The following TUSC3 variants were observed in gnomAD, a reference collection of about 807,000 sequenced individuals.
TUSC3 encodes the protein tumor suppressor candidate 3, also known as dolichyl-diphosphooligosaccharide--protein glycosyltransferase subunit TUSC3.
Under a neutral mutation model 44.8 loss-of-function variants are expected in TUSC3, and 45 were observed. The ratio of observed to expected loss-of-function variants is 1.00; its 90% CI spans 0.79 to 1.29. The LOEUF (loss-of-function observed/expected upper bound fraction) is 1.29. Among genes scored for constraint, TUSC3 ranks in the 50% most tolerant of loss-of-function variants. The pLI is 0.00. For missense variants in TUSC3, 519 were observed against 437.9 expected, an observed-to-expected ratio of 1.19 and a Z score of -1.65; for synonymous variants, 212 against 152.9, an observed-to-expected ratio of 1.39 and a Z score of -2.85.
intron 5 of TUSC3, among the ~76,000 whole-genome samples, chr8:15,670,426 G>A (rs1335792787): frequency 6.6e-6 from 1 of 151,830 alleles, no homozygotes; most frequent in Non-Finnish European, 1.5e-5. Context: ...TAACGAAAGT[G>A]GCCTTGCAGT....
intron 1 of TUSC3, among the ~76,000 whole-genome samples, chr8:15,601,752 G>T (rs1225778573): frequency 6.6e-6 from 1 of 151,468 alleles, no homozygotes; most frequent in Non-Finnish European, 1.5e-5. Context: ...TAGTAACAAT[G>T]GTTCTAATGT....
chr8:15,641,413 A>C (rs1181732990), intron 2 of TUSC3, among the ~76,000 whole-genome samples: 1 of 151,828 alleles, frequency 6.6e-6, no homozygotes, highest in African/African-American at 2.4e-5. Flanking sequence ...AAGGAATTTC[A>C]CAGAAATCCT....
chr8:15,827,772 G>A, the TUSC3 span, among the ~76,000 whole-genome samples: 1 of 152,020 alleles, frequency 6.6e-6, no homozygotes, highest in Non-Finnish European at 1.5e-5. Context: ...TAACTGATTT[G>A]GATAATTTAG....
intron 1 of TUSC3, among the ~76,000 whole-genome samples, chr8:15,588,341 G>T (rs1394961331): frequency 6.6e-6 from 1 of 151,952 alleles, no homozygotes; most frequent in Non-Finnish European, 1.5e-5. Context: ...GATACTTGTT[G>T]GCCATTTGTG....
chr8:15,652,484 T>C (rs116490083), intron 3 of TUSC3, among the ~76,000 whole-genome samples: 3,013 of 152,278 alleles, frequency 0.02, 97 homozygotes, highest in African/African-American at 0.069. Flanking sequence ...TTTGCTCCTA[T>C]GGTACCTATT....
At chr8:15,511,633 G>T (rs1294065878) in intron 2 of TUSC3, among the ~76,000 whole-genome samples, 1 of 152,116 alleles carries the variant, frequency 6.6e-6, no homozygotes, top group African/African-American at 2.4e-5. Flanking sequence ...ACTTTGGGAG[G>T]CCAAGATGGG....
At chr8:15,670,120 A>G (rs1264548575) in intron 5 of TUSC3, among the ~76,000 whole-genome samples, 1 of 151,874 alleles carries the variant, frequency 6.6e-6, no homozygotes, top group Non-Finnish European at 1.5e-5. Context: ...AAAAACTTAA[A>G]TGGCAGGTAA....
chr8:15,782,118 G>C, the TUSC3 span, among the ~76,000 whole-genome samples: 2 of 152,184 alleles, frequency 1.3e-5, no homozygotes, highest in East Asian at 3.9e-4. Flanking sequence ...CTGGGCGACA[G>C]AGCAAGGCTC....
chr8:15,790,725 A>G, the TUSC3 span, among the ~76,000 whole-genome samples: 5 of 152,160 alleles, frequency 3.3e-5, no homozygotes, highest in African/African-American at 9.7e-5. Flanking sequence ...CTTGCCAGGA[A>G]AGCACACAAA....
At chr8:15,722,140 T>C (rs1001102957) in intron 6 of TUSC3, among the ~76,000 whole-genome samples, 2 of 152,002 alleles carry the variant, frequency 1.3e-5, no homozygotes, top group African/African-American at 4.8e-5. Context: ...TTTCCATACC[T>C]GCAGTCTATG....
chr8:15,552,706 T>G (rs28501074), intron 1 of TUSC3, among the ~76,000 whole-genome samples: 29,533 of 151,600 alleles, frequency 0.19, 3,337 homozygotes, highest in South Asian at 0.25. Flanking sequence ...TTGAAGACTC[T>G]TCTTAAGCCA....
chr8:15,440,332 A>G (rs978101214), intron 1 of TUSC3, among the ~76,000 whole-genome samples: 4 of 152,136 alleles, frequency 2.6e-5, no homozygotes, highest in Non-Finnish European at 5.9e-5. Context: ...GGCTTGGAGA[A>G]AGGGAAGGAG....
chr8:15,781,378 G>A, the TUSC3 span, among the ~76,000 whole-genome samples: 2 of 152,092 alleles, frequency 1.3e-5, no homozygotes, highest in Admixed American at 6.5e-5. Flanking sequence ...TGGGGCCCAC[G>A]TAAAACAAAC....
chr8:15,607,310 A>C (rs1757825161), intron 1 of TUSC3, among the ~76,000 whole-genome samples: 1 of 152,150 alleles, frequency 6.6e-6, no homozygotes, highest in African/African-American at 2.4e-5. Flanking sequence ...TGGTAGAGAC[A>C]GTTCTAGGCT....
intron 6 of TUSC3, among the ~76,000 whole-genome samples, chr8:15,712,399 A>G (rs1343557396): frequency 6.6e-6 from 1 of 152,054 alleles, no homozygotes; most frequent in Non-Finnish European, 1.5e-5. Context: ...CCTCATGAAA[A>G]CATGTAACAG....
chr8:15,648,867 C>G (rs1806757886), intron 2 of TUSC3, among the ~76,000 whole-genome samples: 1 of 151,324 alleles, frequency 6.6e-6, no homozygotes. Context: ...GTGCAGGAGT[C>G]CATGAAGAGC....
At chr8:15,593,129 A>AG (rs1554454555) in intron 1 of TUSC3, among the ~76,000 whole-genome samples, 4 of 152,148 alleles carry the variant, frequency 2.6e-5, no homozygotes, top group Non-Finnish European at 5.9e-5. Flanking sequence ...TCTGTTGCCC[A>AG]GGGTGGAGTG....
At chr8:15,552,120 A>C (rs1184292013) in intron 1 of TUSC3, among the ~76,000 whole-genome samples, 1 of 151,888 alleles carries the variant, frequency 6.6e-6, no homozygotes, top group South Asian at 2.1e-4. Context: ...TATGTTGTAA[A>C]TGTTTTTCAT....
intron 6 of TUSC3, among the ~76,000 whole-genome samples, chr8:15,680,149 T>C (rs1164397336): frequency 6.6e-6 from 1 of 151,972 alleles, no homozygotes; most frequent in Non-Finnish European, 1.5e-5. Context: ...AGAGGAATAG[T>C]ACTGAACCCG....
Sources: gnomAD v4.1 joint callset for allele counts (sites outside exome capture counted in the v4.1 genomes callset) on GRCh38, gnomAD v4.1.1 for gene constraint, MANE v1.5 for transcripts, NCBI Gene and HGNC (gene_info 2026-07-23, HGNC 2026-07-21) for gene names.